Variants in CSMD1 observed in about 807,000 individuals in gnomAD.
CSMD1 encodes CUB and Sushi multiple domains 1.
In CSMD1, 213 loss-of-function variants were observed where a neutral mutation model predicts 417.5. The observed-to-expected ratio is 0.51, with a 90% CI of 0.46 to 0.57. The LOEUF is 0.57. Ranked by LOEUF, CSMD1 falls within the 20% of genes least tolerant of loss-of-function variation. The pLI, the probability that CSMD1 is intolerant of heterozygous loss-of-function variation, is 0.00. For missense variants in CSMD1, 6,923 were observed against 4,529.7 expected (o/e 1.53, Z -15.17); for synonymous variants, 2,862 against 1,736.8 (o/e 1.65, Z -16.11).
chr8:4,263,717 A>T (rs1220199326), intron 3 of CSMD1, among the ~76,000 whole-genome samples: 5 of 152,204 alleles, frequency 3.3e-5, no homozygotes, highest in Admixed American at 2.6e-4. Flanking sequence ...TACTGGCAAC[A>T]ATAATAAAAT....
intron 3 of CSMD1, among the ~76,000 whole-genome samples, chr8:4,333,097 G>A (rs913364928): frequency 2.0e-5 from 3 of 152,098 alleles, no homozygotes; most frequent in Non-Finnish European, 4.4e-5. Context: ...GGATGGAATT[G>A]TGTTTGAAAA....
chr8:3,805,528 T>G (rs918930923), intron 5 of CSMD1, among the ~76,000 whole-genome samples: 3 of 152,160 alleles, frequency 2.0e-5, no homozygotes, highest in Non-Finnish European at 4.4e-5. Context: ...TGGAACACTT[T>G]CATCTGCAGT....
chr8:4,394,674 C>G (rs1585007802), intron 3 of CSMD1, among the ~76,000 whole-genome samples: 1 of 152,164 alleles, frequency 6.6e-6, no homozygotes, highest in Admixed American at 6.5e-5. Flanking sequence ...TTTCCCTATT[C>G]CCTTGGGCGT....
intron 3 of CSMD1, among the ~76,000 whole-genome samples, chr8:4,138,478 C>T (rs960522820): frequency 3.9e-5 from 6 of 152,032 alleles, no homozygotes; most frequent in African/African-American, 1.5e-4. Flanking sequence ...CCTACAAGTG[C>T]CTTCATTCCA....
chr8:3,617,351 G>C (rs971134155), intron 7 of CSMD1, among the ~76,000 whole-genome samples: 2 of 152,118 alleles, frequency 1.3e-5, no homozygotes, highest in Admixed American at 6.5e-5. Flanking sequence ...TTCTCCTGTT[G>C]GGACTTGCAC....
chr8:4,524,670 T>C (rs1473857730), intron 2 of CSMD1, among the ~76,000 whole-genome samples: 1 of 151,846 alleles, frequency 6.6e-6, no homozygotes, highest in Non-Finnish European at 1.5e-5. Flanking sequence ...AATGTCTTTA[T>C]CTCCTTAGAC....
At chr8:4,525,388 G>C (rs866696392) in intron 2 of CSMD1, among the ~76,000 whole-genome samples, 15 of 152,118 alleles carry the variant, frequency 9.9e-5, no homozygotes, top group African/African-American at 3.6e-4. Flanking sequence ...TCCACTCACA[G>C]CTGAACCACC....
intron 7 of CSMD1, among the ~76,000 whole-genome samples, chr8:3,639,116 T>C (rs148488946): frequency 6.6e-5 from 10 of 152,338 alleles, no homozygotes; most frequent in Non-Finnish European, 1.5e-4. Context: ...GACTTCATTC[T>C]AGCAAAAGAT....
chr8:4,620,266 T>TA lies in CSMD1; in HGVS notation c.302+17075dup, dbSNP rs559341821. ...AAAACTAAATAACAATTGCTCTATC[T>TA]AAAAGTCTGTTCTCCTGTAAGAAAT... On this transcript the variant is annotated intron_variant, in intron 2 of 69. Coordinates refer to ENST00000635120, the MANE Select transcript of CSMD1 (RefSeq NM_033225.6). 5.5e-4 allele frequency among the ~76,000 whole-genome samples: 84 copies of TA among 151,744 alleles called. No individual in the cohort carries two copies. The South Asian group carries it at 0.014, about 26-fold the overall frequency.
intron 3 of CSMD1, among the ~76,000 whole-genome samples, chr8:4,274,793 A>T (rs1796380386): frequency 6.6e-6 from 1 of 152,134 alleles, no homozygotes; most frequent in African/African-American, 2.4e-5. Context: ...ACTTGGAAAA[A>T]TATTGCCACC....
At chr8:4,417,086 T>C (rs1307063516) in intron 3 of CSMD1, among the ~76,000 whole-genome samples, 1 of 152,074 alleles carries the variant, frequency 6.6e-6, no homozygotes, top group Non-Finnish European at 1.5e-5. Context: ...TTTTATTCTA[T>C]ATTTAGCAGT....
chr8:4,698,955 G>C (rs913985331), intron 1 of CSMD1, among the ~76,000 whole-genome samples: 1 of 149,588 alleles, frequency 6.7e-6, no homozygotes, highest in Non-Finnish European at 1.5e-5. Context: ...TTTCACCGTC[G>C]AACGAACACG....
intron 11 of CSMD1, among the ~76,000 whole-genome samples, chr8:3,478,378 C>A (rs1011363165): frequency 6.6e-6 from 1 of 152,208 alleles, no homozygotes; most frequent in African/African-American, 2.4e-5. Flanking sequence ...CTGAGTGCAG[C>A]CCACACTACT....
chr8:3,640,016 G>C (rs1187984893), intron 7 of CSMD1, among the ~76,000 whole-genome samples: 2 of 152,132 alleles, frequency 1.3e-5, no homozygotes, highest in Non-Finnish European at 2.9e-5. Flanking sequence ...CTCAATAAAT[G>C]TTTGTCGGAG....
intron 20 of CSMD1, among the ~76,000 whole-genome samples, chr8:3,363,598 G>T (rs143563700): frequency 6.6e-6 from 1 of 152,000 alleles, no homozygotes; most frequent in Admixed American, 6.6e-5. Flanking sequence ...CGCGATCTCC[G>T]CTCACTGCAA....
intron 1 of CSMD1, among the ~76,000 whole-genome samples, chr8:4,660,705 A>T (rs567712907): frequency 6.6e-6 from 1 of 152,186 alleles, no homozygotes; most frequent in South Asian, 2.1e-4. Flanking sequence ...AGACCGCAGA[A>T]AGTATTTGAA....
chr8:3,197,708 C>T (rs1796780992), intron 33 of CSMD1, among the ~76,000 whole-genome samples: 1 of 152,098 alleles, frequency 6.6e-6, no homozygotes, highest in Admixed American at 6.6e-5. Context: ...TCGTGATCCG[C>T]CCGCCTCGGC....
chr8:3,597,158 A>G (rs1224357186), intron 8 of CSMD1, among the ~76,000 whole-genome samples: 1 of 152,176 alleles, frequency 6.6e-6, no homozygotes, highest in African/African-American at 2.4e-5. Context: ...ATCAGAGGGA[A>G]TCAATGCCCC....
chr8:4,648,204 T>C (rs1014344915), intron 1 of CSMD1, among the ~76,000 whole-genome samples: 2 of 152,212 alleles, frequency 1.3e-5, no homozygotes, highest in Non-Finnish European at 2.9e-5. Context: ...GTTGGACACA[T>C]AAATGTCTTC....
Sources: allele counts gnomAD v4.1 joint callset (sites outside exome capture counted in the v4.1 genomes callset), GRCh38; gene constraint gnomAD v4.1.1; transcripts MANE v1.5; gene names NCBI Gene and HGNC (gene_info 2026-07-23, HGNC 2026-07-21).